Variants in ITGAM observed in about 807,000 individuals in gnomAD.
ITGAM encodes integrin subunit alpha M.
In ITGAM, 79 loss-of-function variants were observed where a neutral mutation model predicts 137.5. The observed-to-expected ratio is 0.57, with a 90% CI of 0.48 to 0.69. The LOEUF (loss-of-function observed/expected upper bound fraction) is 0.69, where lower values mean the gene tolerates loss of function less well. Among genes scored for constraint, ITGAM ranks in the 30% least tolerant of loss-of-function variants. The pLI is 0.00. For synonymous variants in ITGAM, 583 were observed against 592.3 expected, an observed-to-expected ratio of 0.98 and a Z score of 0.23; for missense variants, 1,343 against 1,483.5, an observed-to-expected ratio of 0.91 and a Z score of 1.56.
At chr16:31,330,797 CACAG>C (rs2080570793) in intron 28 of ITGAM, among the ~76,000 whole-genome samples, 192 bp downstream of exon 28, 4 of 53,806 alleles carry the variant, frequency 7.4e-5, no homozygotes, top group African/African-American at 1.1e-4. Flanking sequence ...GAGAAACAGA[CACAG>C]AGACAGACAA....
At chr16:31,329,442 G>A in intron 24 of ITGAM, 139 bp downstream of exon 24, 1 of 703,050 alleles carries the variant, frequency 1.4e-6, no homozygotes. Flanking sequence ...CTATCACTCA[G>A]TATGCACACA....
chr16:31,331,590 C>T (rs745871837), intron 29 of ITGAM, 46 bp from the exon 30 acceptor site: 16 of 1,493,174 alleles, frequency 1.1e-5, no homozygotes, highest in South Asian at 2.4e-5. Context: ...CGGAGCCGCA[C>T]GCTCCCTGGC....
At chr16:31,271,733 C>T in intron 6 of ITGAM, 114 bp from the exon 7 acceptor site, 1 of 1,291,666 alleles carries the variant, frequency 7.7e-7, no homozygotes. Flanking sequence ...TTAGGGGCAG[C>T]ACAGAGGAGG....
intron 5 of ITGAM, 48 bp from the exon 6 acceptor site, chr16:31,270,906 A>AC: frequency 2.2e-6 from 3 of 1,360,596 alleles, no homozygotes; most frequent in Non-Finnish European, 2.9e-6. Flanking sequence ...AAAACCCAAA[A>AC]CACCAAGTGT....
intron 12 of ITGAM, among the ~76,000 whole-genome samples, chr16:31,290,096 A>G (rs1429257984): frequency 6.6e-6 from 1 of 151,860 alleles, no homozygotes; most frequent in South Asian, 2.1e-4. Flanking sequence ...AAAAAAAAAA[A>G]AAAAAGAAAT....
intron 14 of ITGAM, among the ~76,000 whole-genome samples, chr16:31,306,358 A>G (rs2080264618): frequency 6.6e-6 from 1 of 152,192 alleles, no homozygotes; most frequent in African/African-American, 2.4e-5. Context: ...TCAAAATTAA[A>G]CAACTAAAAG....
intron 12 of ITGAM, among the ~76,000 whole-genome samples, chr16:31,287,133 T>C (rs906055269): frequency 2.6e-5 from 4 of 152,212 alleles, no homozygotes; most frequent in African/African-American, 9.6e-5. Context: ...CTTTATTGAA[T>C]AGGGAGTTCT....
In ITGAM at chr16:31,329,218, C is replaced by G. The variant is rs2080548827; in HGVS notation, c.2793-10C>G. Reference sequence around the variant, plus strand: ...TTTTGTCACCTCCTGTCCCTTTTTTCTCCCTTCAGCCATGGGGTCTCCACT... The same window carrying G: ...TTTTGTCACCTCCTGTCCCTTTTTTGTCCCTTCAGCCATGGGGTCTCCACT... On this transcript the variant is annotated splice_polypyrimidine_tract_variant and intron_variant, in intron 23 of 29. Transcript: ENST00000544665. The G allele has an allele frequency of 2.5e-6, 4 of 1,602,622 alleles. No individual in the cohort carries two copies. Among genetic ancestry groups the G allele is most frequent in the South Asian group, 2.2e-5 (2 of 90,528 alleles).
At chr16:31,328,270 G>C (rs371867245) in intron 23 of ITGAM, 40 bp downstream of exon 23, 284 of 1,424,878 alleles carry the variant, frequency 2.0e-4, no homozygotes, top group Non-Finnish European at 2.5e-4. Context: ...TCCACTTCTG[G>C]GCTGGACATG....
At chr16:31,297,681 G>C (rs770458227) in intron 13 of ITGAM, 27 bp downstream of exon 13, 34 of 1,606,594 alleles carry the variant, frequency 2.1e-5, no homozygotes, top group Non-Finnish European at 2.7e-5. Flanking sequence ...CCTGGGCTGG[G>C]TGGGGCCCGG....
intron 7 of ITGAM, among the ~76,000 whole-genome samples, chr16:31,272,465 T>TA (rs2079861595): frequency 4.5e-4 from 5 of 11,048 alleles, no homozygotes; most frequent in East Asian, 5.7e-3. Context: ...ATATATATAT[T>TA]TTTTTTTTTT....
chr16:31,328,939 C>A, intron 23 of ITGAM: 1 of 531,372 alleles, frequency 1.9e-6, no homozygotes, highest in Non-Finnish European at 3.4e-6. Flanking sequence ...TGTATGTGTG[C>A]ATGGGTGTGT....
intron 7 of ITGAM, among the ~76,000 whole-genome samples, chr16:31,272,421 A>C (rs1223839001): frequency 2.3e-5 from 1 of 44,118 alleles, no homozygotes; most frequent in Non-Finnish European, 4.1e-5. Context: ...AAGGCCAATT[A>C]ACTATATATA....
chr16:31,321,757 C>A (rs552934679), intron 16 of ITGAM, 130 bp downstream of exon 16: 28 of 939,180 alleles, frequency 3.0e-5, no homozygotes, highest in Middle Eastern at 3.4e-4. Flanking sequence ...CTTCTCCAAG[C>A]CTTACCTGAG....
intron 14 of ITGAM, among the ~76,000 whole-genome samples, chr16:31,318,858 G>A (rs977973852): frequency 6.6e-6 from 1 of 151,992 alleles, no homozygotes; most frequent in African/African-American, 2.4e-5. Context: ...TGTTTATCCC[G>A]AACTTTCCTT....
intron 14 of ITGAM, among the ~76,000 whole-genome samples, chr16:31,306,184 G>A (rs7499077): frequency 0.4 from 60,669 of 151,942 alleles, 16,341 homozygotes; most frequent in African/African-American, 0.77. Context: ...CCAAGGTACC[G>A]AAAAGCATTT....
At chr16:31,302,942 T>C (rs1205247832) in intron 14 of ITGAM, among the ~76,000 whole-genome samples, 7 of 104,634 alleles carry the variant, frequency 6.7e-5, no homozygotes, top group African/African-American at 2.5e-4. Flanking sequence ...CTTTCTTTCT[T>C]TCTTTCTTTC....
chr16:31,283,522 G>A (rs1264783579), intron 12 of ITGAM, among the ~76,000 whole-genome samples: 1 of 152,086 alleles, frequency 6.6e-6, no homozygotes, highest in African/African-American at 2.4e-5. Context: ...GGCTACTGAA[G>A]CTTGTGCATG....
chr16:31,272,485 T>A (rs2079862507), intron 7 of ITGAM, among the ~76,000 whole-genome samples: 8 of 58,738 alleles, frequency 1.4e-4, no homozygotes, highest in African/African-American at 2.4e-4. Flanking sequence ...TTTTTTTTTT[T>A]TTTTTTTTTT....
Sources: gnomAD v4.1 joint callset for allele counts (sites outside exome capture counted in the v4.1 genomes callset) on GRCh38, gnomAD v4.1.1 for gene constraint, MANE v1.5 for transcripts, NCBI Gene and HGNC (gene_info 2026-07-23, HGNC 2026-07-21) for gene names.